The following SLCO6A1 variants were observed in gnomAD, a reference collection of about 807,000 sequenced individuals.
SLCO6A1 encodes the protein solute carrier organic anion transporter family member 6A1, also known as cancer/testis antigen 48.
In SLCO6A1, 65 loss-of-function variants were observed where a neutral mutation model predicts 72.7. The observed-to-expected ratio is 0.89, with a 90% CI of 0.73 to 1.10. The LOEUF is 1.10. Ranked by LOEUF, SLCO6A1 falls within the 50% of genes least tolerant of loss-of-function variation. The pLI is 0.00. For synonymous variants in SLCO6A1, 314 were observed against 298.2 expected (o/e 1.05, Z -0.55); for missense variants, 874 against 872.6 (o/e 1.00, Z -0.02).
At chr5:102,383,704 G>T (rs575622533) in intron 12 of SLCO6A1, among the ~76,000 whole-genome samples, 11 of 151,798 alleles carry the variant, frequency 7.2e-5, no homozygotes, top group African/African-American at 2.7e-4. Flanking sequence ...GGTAATTCTG[G>T]TCTCATAAAA....
At chr5:102,410,775 A>G (rs1406471463) in intron 9 of SLCO6A1, among the ~76,000 whole-genome samples, 1 of 152,204 alleles carries the variant, frequency 6.6e-6, no homozygotes. Flanking sequence ...AAGGACAAAC[A>G]GAAATAACAT....
intron 4 of SLCO6A1, among the ~76,000 whole-genome samples, chr5:102,464,541 A>G (rs1751215220): frequency 6.6e-6 from 1 of 152,182 alleles, no homozygotes; most frequent in Admixed American, 6.5e-5. Flanking sequence ...TGACATAAGG[A>G]AAGTTTAAAG....
chr5:102,441,203 C>A (rs934504658), intron 6 of SLCO6A1, among the ~76,000 whole-genome samples: 5 of 152,130 alleles, frequency 3.3e-5, no homozygotes, highest in African/African-American at 1.2e-4. Flanking sequence ...GTATTTCTTT[C>A]ATTTTTACAT....
intron 9 of SLCO6A1, among the ~76,000 whole-genome samples, chr5:102,406,580 A>G (rs79110279): frequency 0.011 from 1,610 of 152,246 alleles, 25 homozygotes; most frequent in African/African-American, 0.037. Flanking sequence ...TTTGGCTTAA[A>G]ATTAGAGAAA....
At chr5:102,445,458 G>T (rs1750057709) in intron 6 of SLCO6A1, among the ~76,000 whole-genome samples, 1 of 152,032 alleles carries the variant, frequency 6.6e-6, no homozygotes, top group Non-Finnish European at 1.5e-5. Flanking sequence ...TTGCTGATTT[G>T]TTTGAGTTAT....
intron 10 of SLCO6A1, among the ~76,000 whole-genome samples, chr5:102,397,284 A>G (rs79175369): frequency 0.012 from 1,894 of 152,222 alleles, 42 homozygotes; most frequent in African/African-American, 0.043. Context: ...TGAATGCAAT[A>G]CATTTTCTTA....
intron 1 of SLCO6A1, among the ~76,000 whole-genome samples, chr5:102,496,694 C>A (rs1419109695): frequency 1.3e-5 from 2 of 152,190 alleles, no homozygotes; most frequent in East Asian, 1.9e-4. Context: ...TTTTAAAATT[C>A]ATTCATGCAT....
chr5:102,457,116 G>C (rs796953450), intron 6 of SLCO6A1, among the ~76,000 whole-genome samples: 25 of 152,284 alleles, frequency 1.6e-4, no homozygotes, highest in Middle Eastern at 6.8e-3. Context: ...ATGGATTAAA[G>C]ACTTAAATGT....
chr5:102,476,708 T>C (rs1751917349), intron 3 of SLCO6A1, among the ~76,000 whole-genome samples: 1 of 152,034 alleles, frequency 6.6e-6, no homozygotes, highest in Non-Finnish European at 1.5e-5. Flanking sequence ...ATGAAATATA[T>C]TTAATATAAC....
At chr5:102,456,303 A>C (rs914030955) in intron 6 of SLCO6A1, among the ~76,000 whole-genome samples, 36 of 152,186 alleles carry the variant, frequency 2.4e-4, no homozygotes, top group African/African-American at 1.4e-4. Flanking sequence ...TCAGGAAAAG[A>C]GGAAGTCAAA....
intron 4 of SLCO6A1, among the ~76,000 whole-genome samples, chr5:102,472,564 A>G (rs1177695009): frequency 1.3e-5 from 2 of 152,072 alleles, no homozygotes; most frequent in Non-Finnish European, 2.9e-5. Flanking sequence ...CCCAATATAT[A>G]ATTAAAATAC....
Position 102,381,263 on chromosome 5 carries a change from A to C in SLCO6A1, c.2017+7425T>G, listed in dbSNP as rs1746090162. On this transcript the variant is annotated intron_variant, in intron 12 of 13. Coordinates refer to ENST00000506729, the MANE Select transcript of SLCO6A1 (RefSeq NM_173488.5). ...CCATCACCAGCCCCTGTCAACAACT[A>C]TTCTATTCTCTGCTTCTGTTTGATT... 2.0e-5 allele frequency among the ~76,000 whole-genome samples: 3 copies of C among 151,362 alleles called. No homozygotes were observed. The South Asian group carries it at 6.2e-4, about 31-fold the overall frequency.
chr5:102,390,658 C>T (rs1746703641), intron 11 of SLCO6A1, among the ~76,000 whole-genome samples: 1 of 152,050 alleles, frequency 6.6e-6, no homozygotes. Flanking sequence ...CCCAAACACG[C>T]AAGCAATGTA....
chr5:102,406,449 C>G (rs932695870), intron 9 of SLCO6A1, among the ~76,000 whole-genome samples: 1 of 151,830 alleles, frequency 6.6e-6, no homozygotes, highest in African/African-American at 2.4e-5. Context: ...GGCATATACA[C>G]GTTAATACAC....
At position 102,372,090 on chromosome 5, in the gene SLCO6A1, T is replaced by C. The variant is rs1561404607; in HGVS notation, c.*49A>G. On this transcript the variant is annotated 3_prime_UTR_variant, in exon 14 of 14. Coordinates refer to ENST00000506729, the MANE Select transcript of SLCO6A1 (RefSeq NM_173488.5). ...GGAGAATCTGTAAAAGAGAAACTCG[T>C]TTTCACACTCTGATCCTCAAATGAT... 1 of 152,030 alleles carries C rather than the reference T, an allele frequency of 6.6e-6. No individual in the cohort carries two copies. The highest frequency in any genetic ancestry group is 1.5e-5 in the Non-Finnish European group (1 of 67,912). The allele number at this position is 152,030 out of a possible 1,614,324, so 9.4% of individuals were successfully genotyped here.
intron 12 of SLCO6A1, among the ~76,000 whole-genome samples, chr5:102,388,176 T>C (rs915416790): frequency 6.6e-6 from 1 of 152,188 alleles, no homozygotes; most frequent in African/African-American, 2.4e-5. Context: ...TTTTTTTGTA[T>C]ATGTACCTGG....
At chr5:102,433,995 T>C (rs1158333690) in intron 7 of SLCO6A1, among the ~76,000 whole-genome samples, 1 of 152,106 alleles carries the variant, frequency 6.6e-6, no homozygotes, top group African/African-American at 2.4e-5. Context: ...ACTTTCAACC[T>C]TTTCATGTCC....
chr5:102,386,503 G>C lies in SLCO6A1; in HGVS notation c.2017+2185C>G, dbSNP rs149633321. Among the ~76,000 whole-genome samples, 12 of 152,214 alleles carry C rather than the reference G, an allele frequency of 7.9e-5. No individual in the cohort carries two copies. The East Asian group carries it at 2.3e-3, about 29-fold the overall frequency. On this transcript the variant is annotated intron_variant, in intron 12 of 13. Coordinates refer to ENST00000506729, the MANE Select transcript of SLCO6A1 (RefSeq NM_173488.5). ...CGTCCATTGGAACCTAGGGCTATGGGGACTACTCTGGAGCCTGGGAATACA... is the reference window on the plus strand; with the variant it reads ...CGTCCATTGGAACCTAGGGCTATGGCGACTACTCTGGAGCCTGGGAATACA...
intron 1 of SLCO6A1, among the ~76,000 whole-genome samples, chr5:102,492,967 A>C (rs553708303): frequency 6.6e-6 from 1 of 152,188 alleles, no homozygotes; most frequent in African/African-American, 2.4e-5. Flanking sequence ...GGGGCAGGGC[A>C]TAGCCAAACA....
Sources: gnomAD v4.1 joint callset for allele counts (sites outside exome capture counted in the v4.1 genomes callset) on GRCh38, gnomAD v4.1.1 for gene constraint, MANE v1.5 for transcripts, NCBI Gene and HGNC (gene_info 2026-07-23, HGNC 2026-07-21) for gene names.